PGM5: variants seen among roughly 807,000 people sequenced by gnomAD.
The protein encoded by PGM5 is phosphoglucomutase-like protein 5.
In PGM5, 23 loss-of-function variants were observed where a neutral mutation model predicts 59.2. That is an observed-to-expected ratio of 0.39 (90% CI 0.28 to 0.55). The LOEUF (loss-of-function observed/expected upper bound fraction) is 0.55. PGM5 is among the 20% of genes least tolerant of loss of function. The pLI is 0.66. For missense variants in PGM5, 574 were observed against 748.3 expected (o/e 0.77, Z 2.72); for synonymous variants, 214 against 286.0 (o/e 0.75, Z 2.54).
intron 5 of PGM5, 62 bp from the exon 6 acceptor site, chr9:68,392,251 GATGATT>G: frequency 6.3e-7 from 1 of 1,582,626 alleles, no homozygotes; most frequent in Admixed American, 1.7e-5. Context: ...AGTGGATTGT[GATGATT>G]ATGGGAATGG....
chr9:68,407,389 T>C (rs2132035515), intron 6 of PGM5, among the ~76,000 whole-genome samples: 1 of 152,334 alleles, frequency 6.6e-6, no homozygotes, highest in Non-Finnish European at 1.5e-5. Flanking sequence ...TGCCTCGGCC[T>C]CTCAAAGTGC....
At position 68,391,586 on chromosome 9, in the gene PGM5, C is replaced by G; in HGVS notation, c.750C>G (p.Ala250=). The G allele has an allele frequency of 6.2e-7, 1 of 1,613,322 alleles. No individual in the cohort carries two copies. The highest frequency in any genetic ancestry group is 1.3e-5 in the African/African-American group (1 of 74,936). The change falls in exon 5 of 11, where the codon GCC becomes GCG. Residue 250 remains alanine (A), a synonymous_variant. Transcript: ENST00000396396. ...KVLCDELGAP[A]NSAINCVPLE... is the part of the protein sequence containing the mutation. ...TGTGTGATGAGCTGGGGGCCCCAGC[C>G]AATTCTGCAATAAACTGTGTTCCCC... is the stretch of plus-strand genomic sequence containing the variant.
chr9:68,446,131 AGAGGCCT>A lies in PGM5; in HGVS notation c.1044-18959_1044-18953del, dbSNP rs563258738. Among the ~76,000 whole-genome samples, 581 of 152,336 alleles carry A rather than the reference AGAGGCCT, an allele frequency of 3.8e-3. 1 individual carries two copies. Among genetic ancestry groups the A allele is most frequent in the African/African-American group, 0.013 (527 of 41,578 alleles). On this transcript the variant is annotated intron_variant, in intron 6 of 10. Transcript: ENST00000396396. ...CCAGTATGTCCTTCCAAATATATCC[AGAGGCCT>A]GACCAAATGAAAGTGAATTATAACA...
rs12554620 is a variant in PGM5, at chr9:68,372,707, T to C, written c.262-5492T>C. Among the ~76,000 whole-genome samples the C allele has an allele frequency of 2.7e-3, 408 of 152,298 alleles. 1 individual carries two copies. Among genetic ancestry groups the C allele is most frequent in the Non-Finnish European group, 4.1e-3 (282 of 68,026 alleles). On this transcript the variant is annotated intron_variant, in intron 1 of 10. Transcript: ENST00000396396. ...AAAAGAAGTTTCCTTAGCTCATGGTTCTGAAGGCTGTACAAGCCTGGTGCC... is the reference window on the plus strand; with the variant it reads ...AAAAGAAGTTTCCTTAGCTCATGGTCCTGAAGGCTGTACAAGCCTGGTGCC...
chr9:68,415,975 T>C (rs1342329968), intron 6 of PGM5, among the ~76,000 whole-genome samples: 3 of 151,654 alleles, frequency 2.0e-5, no homozygotes, highest in African/African-American at 4.8e-5. Flanking sequence ...TGAGAGATGT[T>C]AGTATTGTTG....
intron 6 of PGM5, among the ~76,000 whole-genome samples, chr9:68,420,869 T>C (rs1366615539): frequency 2.0e-5 from 3 of 152,184 alleles, no homozygotes; most frequent in African/African-American, 7.2e-5. Flanking sequence ...TTGCCTCATG[T>C]GGTGGTTATG....
At chr9:68,415,809 A>ATCTG (rs1294305723) in intron 6 of PGM5, among the ~76,000 whole-genome samples, 188 of 125,364 alleles carry the variant, frequency 1.5e-3, no homozygotes, top group East Asian at 0.012. Flanking sequence ...CTATCTATCT[A>ATCTG]TCTATCTTAT....
In PGM5 at chr9:68,410,071, C is replaced by T. The variant is rs576603686; in HGVS notation, c.1043+17598C>T. ...ATAGCTCTGCCTCCCTAGTAGGATG[C>T]AGCCCTTGTCCTCAGGGTTCCAGGC... On this transcript the variant is annotated intron_variant, in intron 6 of 10. Coordinates refer to ENST00000396396, the MANE Select transcript of PGM5 (RefSeq NM_021965.4). Among the ~76,000 whole-genome samples the T allele has an allele frequency of 1.2e-4, 19 of 152,314 alleles. No individual in the cohort carries two copies. The East Asian group carries it at 3.5e-3, about 28-fold the overall frequency.
At chr9:68,384,273 A>G (rs1282977476) in intron 2 of PGM5, 125 bp from the exon 3 acceptor site, 1 of 674,672 alleles carries the variant, frequency 1.5e-6, no homozygotes, top group African/African-American at 1.8e-5. Flanking sequence ...TGAACTGTGA[A>G]CCATTGATCA....
At chr9:68,384,946 C>T (rs10909624) in intron 3 of PGM5, among the ~76,000 whole-genome samples, 4,284 of 151,660 alleles carry the variant, frequency 0.028, 104 homozygotes, top group East Asian at 0.12. Context: ...CTTTTCCAAG[C>T]CATAACCAAG....
At chr9:68,476,115 G>C (rs1824098709) in intron 7 of PGM5, among the ~76,000 whole-genome samples, 1 of 152,132 alleles carries the variant, frequency 6.6e-6, no homozygotes, top group South Asian at 2.1e-4. Context: ...TAAAATAGCT[G>C]GGTCGAAAGC....
intron 6 of PGM5, among the ~76,000 whole-genome samples, chr9:68,438,983 G>C (rs1191159775): frequency 1.3e-5 from 2 of 152,134 alleles, no homozygotes; most frequent in African/African-American, 2.4e-5. Context: ...TTGCCACTTG[G>C]AGAAGTGGTG....
At chr9:68,454,240 A>G (rs1554684615) in intron 6 of PGM5, among the ~76,000 whole-genome samples, 2 of 152,182 alleles carry the variant, frequency 1.3e-5, no homozygotes, top group African/African-American at 4.8e-5. Context: ...CTATCCACAC[A>G]GATCTGTCCC....
At chr9:68,402,887 A>C (rs1308001287) in intron 6 of PGM5, among the ~76,000 whole-genome samples, 1 of 152,188 alleles carries the variant, frequency 6.6e-6, no homozygotes, top group Non-Finnish European at 1.5e-5. Flanking sequence ...TTTCAGCTTC[A>C]ACTTTCTAGG....
At chr9:68,404,457 T>C (rs1356718528) in intron 6 of PGM5, among the ~76,000 whole-genome samples, 2 of 152,180 alleles carry the variant, frequency 1.3e-5, no homozygotes, top group Non-Finnish European at 2.9e-5. Flanking sequence ...TAGACAACAC[T>C]GATGACCAGA....
chr9:68,482,681 C>A (rs1554687207), intron 8 of PGM5, among the ~76,000 whole-genome samples: 2 of 152,196 alleles, frequency 1.3e-5, no homozygotes, highest in African/African-American at 4.8e-5. Context: ...GGTGCAGCTG[C>A]CCCTCCTATG....
At chr9:68,400,438 C>T (rs1315126177) in intron 6 of PGM5, among the ~76,000 whole-genome samples, 1 of 152,040 alleles carries the variant, frequency 6.6e-6, no homozygotes, top group Non-Finnish European at 1.5e-5. Flanking sequence ...TTTGCCCCAC[C>T]TCATTCCACT....
At chr9:68,450,080 C>T (rs1823671960) in intron 6 of PGM5, among the ~76,000 whole-genome samples, 1 of 152,106 alleles carries the variant, frequency 6.6e-6, no homozygotes, top group Non-Finnish European at 1.5e-5. Context: ...CAAGTGTGAA[C>T]CCCTTTTGAG....
intron 6 of PGM5, among the ~76,000 whole-genome samples, chr9:68,438,473 A>G (rs1823475032): frequency 6.6e-6 from 1 of 152,092 alleles, no homozygotes; most frequent in Non-Finnish European, 1.5e-5. Flanking sequence ...CATTAGGTCT[A>G]CAGTGGAGTC....
Sources: allele counts gnomAD v4.1 joint callset (sites outside exome capture counted in the v4.1 genomes callset), GRCh38; gene constraint gnomAD v4.1.1; transcripts MANE v1.5; gene names NCBI Gene and HGNC (gene_info 2026-07-23, HGNC 2026-07-21).